Variants in TBC1D22A observed in about 807,000 individuals in gnomAD.
TBC1D22A encodes the protein TBC1 domain family member 22A.
A neutral mutation model predicts 60.2 loss-of-function variants in TBC1D22A; 38 were observed. The observed-to-expected ratio is 0.63, with a 90% confidence interval of 0.49 to 0.83. TBC1D22A has a LOEUF of 0.83. TBC1D22A is among the 40% of genes least tolerant of loss of function. The pLI is 0.00. For synonymous variants in TBC1D22A, 302 were observed against 281.7 expected (o/e 1.07, Z -0.72); for missense variants, 628 against 701.0 (o/e 0.90, Z 1.18).
intron 11 of TBC1D22A, among the ~76,000 whole-genome samples, chr22:47,056,544 G>C (rs1048572621): frequency 2.0e-5 from 3 of 152,118 alleles, no homozygotes; most frequent in Non-Finnish European, 4.4e-5. Context: ...TCCTCCCTCA[G>C]ATCTCTGTCT....
At chr22:46,922,692 C>T (rs1289373531) in intron 8 of TBC1D22A, among the ~76,000 whole-genome samples, 4 of 152,044 alleles carry the variant, frequency 2.6e-5, no homozygotes, top group Non-Finnish European at 4.4e-5. Context: ...CTTTTTGTGG[C>T]TGTTGTAAAT....
At chr22:47,153,476 G>A (rs1233184184) in intron 12 of TBC1D22A, among the ~76,000 whole-genome samples, 1 of 152,068 alleles carries the variant, frequency 6.6e-6, no homozygotes, top group African/African-American at 2.4e-5. Flanking sequence ...GGGGCCAGGA[G>A]AGGCTGCAGG....
At chr22:47,012,867 C>T (rs1419689721) in intron 10 of TBC1D22A, among the ~76,000 whole-genome samples, 4 of 152,214 alleles carry the variant, frequency 2.6e-5, no homozygotes, top group Non-Finnish European at 5.9e-5. Flanking sequence ...TCCGAGAGCT[C>T]ATCCTTCCAG....
rs573656135 is a variant in TBC1D22A at position 47,040,568 on chromosome 22, G to A, written c.1329+3370G>A. Among the ~76,000 whole-genome samples the A allele has an allele frequency of 5.9e-5, 9 of 152,104 alleles. No individual in the cohort carries two copies. In the South Asian group the frequency reaches 1.2e-3, roughly 21 times the overall value. ...CTGATGGGGAGAGGGAAGCTCGGAT[G>A]GGGGGTGGGTGGAACCTGGGGAGGG... On this transcript the variant is annotated intron_variant, in intron 11 of 12. Coordinates refer to ENST00000337137, the MANE Select transcript of TBC1D22A (RefSeq NM_014346.5).
chr22:46,856,740 T>C (rs1361353738), intron 4 of TBC1D22A, among the ~76,000 whole-genome samples: 1 of 152,254 alleles, frequency 6.6e-6, no homozygotes, highest in African/African-American at 2.4e-5. Flanking sequence ...TGGGTCTGTT[T>C]CTTGATTTCC....
chr22:47,162,206 T>G (rs1333692036), intron 12 of TBC1D22A, among the ~76,000 whole-genome samples: 1 of 152,136 alleles, frequency 6.6e-6, no homozygotes, highest in East Asian at 1.9e-4. Flanking sequence ...TGAAAGGTTT[T>G]TTTTTTTTTT....
intron 8 of TBC1D22A, among the ~76,000 whole-genome samples, chr22:46,944,509 C>T (rs573791392): frequency 6.6e-6 from 1 of 152,314 alleles, no homozygotes; most frequent in South Asian, 2.1e-4. Context: ...CGCCATTCTC[C>T]TGCCTCAGCC....
chr22:46,913,111 G>A (rs5767410), intron 8 of TBC1D22A, among the ~76,000 whole-genome samples: 115,913 of 152,166 alleles, frequency 0.76, 44,237 homozygotes, highest in South Asian at 0.8. Context: ...CTTTATCACA[G>A]TCAACTGTAA....
intron 8 of TBC1D22A, 49 bp downstream of exon 8, chr22:46,912,237 G>T (rs369229931): frequency 1.3e-5 from 17 of 1,298,460 alleles, no homozygotes; most frequent in Non-Finnish European, 1.8e-5. Flanking sequence ...GACTTGCTGT[G>T]TGTTACTATG....
chr22:46,852,518 G>C (rs115060918), intron 4 of TBC1D22A, among the ~76,000 whole-genome samples: 1 of 152,176 alleles, frequency 6.6e-6, no homozygotes, highest in Non-Finnish European at 1.5e-5. Flanking sequence ...TCTCAGTGGC[G>C]TGAGGTCCTT....
chr22:46,799,993 A>G (rs1320472080), intron 4 of TBC1D22A, among the ~76,000 whole-genome samples: 5 of 152,084 alleles, frequency 3.3e-5, no homozygotes, highest in Admixed American at 2.6e-4. Flanking sequence ...GTGCATTTCT[A>G]CAGTGTATTT....
Position 46,772,644 on chromosome 22 carries a change from CT to C in TBC1D22A, c.62+9816del, listed in dbSNP as rs75900312. Among the ~76,000 whole-genome samples, 65 of 110,928 alleles carry C rather than the reference CT, an allele frequency of 5.9e-4. 9 individuals carry two copies. Among genetic ancestry groups the C allele is most frequent in the African/African-American group, 1.2e-3 (33 of 28,336 alleles). The allele number at this position is 110,928 out of a possible 152,430, so 72.8% of individuals were successfully genotyped here. A position where few individuals can be genotyped will look rare whatever the true frequency, so the allele number is the denominator to read the frequency against. ...TATACACAAACACACATGCACCGCA[CT>C]TTTTTTTTTTTTTTTTTTTGAGATG... On this transcript the variant is annotated intron_variant, in intron 1 of 12. Transcript: ENST00000337137.
intron 9 of TBC1D22A, among the ~76,000 whole-genome samples, chr22:46,975,473 G>A (rs926244062): frequency 5.9e-5 from 9 of 152,152 alleles, no homozygotes; most frequent in African/African-American, 9.7e-5. Context: ...ACGGGTGTTC[G>A]CATGTAGATG....
chr22:46,864,792 C>T (rs2066974464), intron 4 of TBC1D22A, among the ~76,000 whole-genome samples: 3 of 152,200 alleles, frequency 2.0e-5, no homozygotes, highest in South Asian at 4.1e-4. Flanking sequence ...GTGGGCAGCT[C>T]CTGGCTGGAT....
rs1485978980 is a variant in TBC1D22A, at chr22:46,965,563, C to T, written c.1016-8727C>T. Among the ~76,000 whole-genome samples, 3 of 152,344 alleles carry T rather than the reference C, an allele frequency of 2.0e-5. No homozygotes were observed. The East Asian group carries it at 5.8e-4, about 29-fold the overall frequency. On this transcript the variant is annotated intron_variant, in intron 8 of 12. Transcript: ENST00000337137. ...ATGGAGAACTGTGTTTTGAGTGGTC[C>T]TTGTGCTTCAGAGGGTCTGTTTCTT...
chr22:46,838,041 T>G (rs1460503885), intron 4 of TBC1D22A, among the ~76,000 whole-genome samples: 1 of 152,038 alleles, frequency 6.6e-6, no homozygotes, highest in Non-Finnish European at 1.5e-5. Context: ...GCCTGGGAGA[T>G]AGAGTGAGAC....
intron 9 of TBC1D22A, among the ~76,000 whole-genome samples, chr22:46,975,011 G>A (rs78945058): frequency 1.6e-3 from 249 of 152,330 alleles, no homozygotes; most frequent in African/African-American, 5.8e-3. Flanking sequence ...ATGGCATGGT[G>A]TAGGGGCAGA....
Position 46,883,806 on chromosome 22 carries a change from G to A in TBC1D22A, c.708+5083G>A, listed in dbSNP as rs146461952. ...CCATCATTGGCCAGGCTCTGTTTCC[G>A]GCCTTGCCCCTAGCCAACCCGGACA... On this transcript the variant is annotated intron_variant, in intron 5 of 12. Transcript: ENST00000337137. Among the ~76,000 whole-genome samples the A allele has an allele frequency of 2.8e-3, 426 of 152,276 alleles. 1 individual carries two copies. The highest frequency in any genetic ancestry group is 7.3e-3 in the Admixed American group (111 of 15,296).
At position 46,777,113 on chromosome 22, in the gene TBC1D22A, G is replaced by C. The variant is rs1345655832; in HGVS notation, c.62+14265G>C. ...GGATGTGGAGACGTGGGTGGGTGGT[G>C]TGCTTCAGGGAGGAGACGAGGCTGA... is the stretch of plus-strand genomic sequence containing the variant. On this transcript the variant is annotated intron_variant, in intron 1 of 12. Coordinates refer to ENST00000337137, the MANE Select transcript of TBC1D22A (RefSeq NM_014346.5). The surrounding 1 kb of genome is among the most constrained non-coding windows in gnomAD (Gnocchi z 4.5). Among the ~76,000 whole-genome samples the C allele has an allele frequency of 6.6e-6, 1 of 152,136 alleles. No homozygotes were observed. Among genetic ancestry groups the C allele is most frequent in the Non-Finnish European group, 1.5e-5 (1 of 68,026 alleles).
Sources: allele counts gnomAD v4.1 joint callset (sites outside exome capture counted in the v4.1 genomes callset), GRCh38; gene constraint gnomAD v4.1.1; non-coding constraint Gnocchi (gnomAD v3.1); transcripts MANE v1.5; gene names NCBI Gene and HGNC (gene_info 2026-07-23, HGNC 2026-07-21).